The following RBPJ variants were observed in gnomAD, a reference collection of about 807,000 sequenced individuals.
RBPJ encodes recombining binding protein suppressor of hairless.
RBPJ carries 9 observed loss-of-function variants against 67.8 expected under a neutral mutation model. The observed-to-expected ratio is 0.13, with a 90% CI of 0.08 to 0.23. The LOEUF (loss-of-function observed/expected upper bound fraction) is 0.23. RBPJ is among the 10% of genes least tolerant of loss of function. RBPJ has a pLI of 1.00. For missense variants in RBPJ, 305 were observed against 595.6 expected (o/e 0.51, Z 5.08); for synonymous variants, 198 against 203.3 (o/e 0.97, Z 0.22).
chr4:26,373,795 GACAT>G (rs1314143024), intron 1 of RBPJ, among the ~76,000 whole-genome samples: 1 of 152,030 alleles, frequency 6.6e-6, no homozygotes, highest in East Asian at 1.9e-4. Flanking sequence ...TCAGATTTAT[GACAT>G]ACATATATGT....
chr4:26,120,714 CTTTT>C, the RBPJ span, among the ~76,000 whole-genome samples: 1 of 83,012 alleles, frequency 1.2e-5, no homozygotes, highest in African/African-American at 4.8e-5. Context: ...ATTTTCTCAA[CTTTT>C]TTTTTTTTTT....
At chr4:26,320,514 A>C (rs199699245), upstream of RBPJ, 4 of 490,964 alleles carry the variant, frequency 8.1e-6, no homozygotes, top group East Asian at 1.3e-4. Flanking sequence ...CGTTTGAATG[A>C]ATGAAAATAG....
At chr4:26,140,153 A>C in the RBPJ span, among the ~76,000 whole-genome samples, 1 of 152,154 alleles carries the variant, frequency 6.6e-6, no homozygotes, top group African/African-American at 2.4e-5. Context: ...GTACTACGTA[A>C]ATGTCACACA....
In RBPJ at chr4:26,419,391, T is replaced by A. The variant is rs552917198; in HGVS notation, c.322-1160T>A. Among the ~76,000 whole-genome samples, 47 of 152,372 alleles carry A rather than the reference T, an allele frequency of 3.1e-4. No individual in the cohort carries two copies. In the South Asian group the frequency reaches 9.5e-3, roughly 31 times the overall value. On this transcript the variant is annotated intron_variant, in intron 4 of 10. Coordinates refer to ENST00000355476, the MANE Select transcript of RBPJ (RefSeq NM_015874.6). ...TTTAAAAACTTAGTTAAATGTATAA[T>A]GTTCAAGATGGCATCTAAATTTTCT...
intron 1 of RBPJ, among the ~76,000 whole-genome samples, chr4:26,174,864 T>C (rs1296624165): frequency 6.6e-6 from 1 of 152,204 alleles, no homozygotes; most frequent in Non-Finnish European, 1.5e-5. Context: ...CACATATATA[T>C]GTGATCACAT....
At chr4:26,302,441 C>G (rs1159988929) in intron 1 of RBPJ, among the ~76,000 whole-genome samples, 3 of 152,176 alleles carry the variant, frequency 2.0e-5, no homozygotes. Context: ...TCCCCAGTCC[C>G]GTTTCTCCAG....
chr4:26,183,457 C>T (rs1356141976), intron 1 of RBPJ, among the ~76,000 whole-genome samples: 4 of 152,226 alleles, frequency 2.6e-5, no homozygotes, highest in African/African-American at 2.4e-5. Context: ...CCCCATTACT[C>T]GCAGACAGGG....
At chr4:26,298,017 A>G (rs574539684) in intron 1 of RBPJ, among the ~76,000 whole-genome samples, 13 of 152,210 alleles carry the variant, frequency 8.5e-5, no homozygotes, top group Non-Finnish European at 1.8e-4. Flanking sequence ...TAAAATGACA[A>G]TTAGCACAAT....
At chr4:26,362,502 T>C in intron 1 of RBPJ, 3 of 1,548,670 alleles carry the variant, frequency 1.9e-6, no homozygotes, top group Admixed American at 2.1e-5. Flanking sequence ...TTCGGAACCA[T>C]TATGATCTCA....
intron 1 of RBPJ, among the ~76,000 whole-genome samples, chr4:26,380,646 A>G (rs776104358): frequency 6.6e-6 from 1 of 151,968 alleles, no homozygotes; most frequent in African/African-American, 2.4e-5. Flanking sequence ...TTTTTCTCCA[A>G]TCAATTGCTG....
chr4:26,219,427 G>A (rs1215312161), intron 1 of RBPJ, among the ~76,000 whole-genome samples: 1 of 152,206 alleles, frequency 6.6e-6, no homozygotes, highest in African/African-American at 2.4e-5. Flanking sequence ...ACTGAGGAAT[G>A]GGATGGTTAA....
intron 1 of RBPJ, among the ~76,000 whole-genome samples, chr4:26,261,930 T>C (rs1457988164): frequency 6.6e-6 from 1 of 152,228 alleles, no homozygotes; most frequent in African/African-American, 2.4e-5. Flanking sequence ...TTAAGTTTTA[T>C]TTTTTATTTT....
intron 1 of RBPJ, among the ~76,000 whole-genome samples, chr4:26,365,920 T>C (rs73121159): frequency 0.025 from 3,865 of 152,344 alleles, 182 homozygotes; most frequent in African/African-American, 0.088. Flanking sequence ...TGTAGTATCT[T>C]GCCCCTTGGC....
chr4:26,194,662 C>A (rs1717687776), intron 1 of RBPJ, among the ~76,000 whole-genome samples: 1 of 152,250 alleles, frequency 6.6e-6, no homozygotes, highest in South Asian at 2.1e-4. Flanking sequence ...TCTGAGCTAG[C>A]ACAGTTACCT....
chr4:26,421,341 C>T (rs983784827), intron 5 of RBPJ, among the ~76,000 whole-genome samples: 4 of 151,126 alleles, frequency 2.6e-5, no homozygotes, highest in East Asian at 1.9e-4. Context: ...CTTACTCTGT[C>T]GCCCAGGCTG....
chr4:26,355,909 G>T (rs936679552), intron 1 of RBPJ, among the ~76,000 whole-genome samples: 1 of 152,180 alleles, frequency 6.6e-6, no homozygotes, highest in Non-Finnish European at 1.5e-5. Flanking sequence ...GCTTCAGGAA[G>T]GGATTTCTTC....
At chr4:26,337,155 A>G (rs1243242984) in intron 1 of RBPJ, among the ~76,000 whole-genome samples, 1 of 150,138 alleles carries the variant, frequency 6.7e-6, no homozygotes, top group Non-Finnish European at 1.5e-5. Context: ...TTTTTAAATA[A>G]AGACAGGGTT....
intron 1 of RBPJ, among the ~76,000 whole-genome samples, chr4:26,236,983 T>A (rs1719473075): frequency 6.6e-6 from 1 of 152,120 alleles, no homozygotes; most frequent in Non-Finnish European, 1.5e-5. Flanking sequence ...TGAGCCCACA[T>A]TAGAACCCAG....
upstream of RBPJ, chr4:26,319,795 TC>T (rs1722828461): frequency 7.4e-7 from 1 of 1,360,390 alleles, no homozygotes; most frequent in Non-Finnish European, 1.1e-6. Flanking sequence ...ATTCCAGTTC[TC>T]CGGGTTTTGG....
Sources: gnomAD v4.1 joint callset for allele counts (sites outside exome capture counted in the v4.1 genomes callset) on GRCh38, gnomAD v4.1.1 for gene constraint, MANE v1.5 for transcripts, NCBI Gene and HGNC (gene_info 2026-07-23, HGNC 2026-07-21) for gene names.